The following ARAP2 variants were observed in gnomAD, a reference collection of about 807,000 sequenced individuals.
ARAP2 encodes the protein arf-GAP with Rho-GAP domain, ANK repeat and PH domain-containing protein 2.
In ARAP2, 148 loss-of-function variants were observed where a neutral mutation model predicts 194.5. The observed-to-expected ratio is 0.76, with a 90% CI of 0.67 to 0.87. The LOEUF (loss-of-function observed/expected upper bound fraction) is 0.87, where lower values mean the gene tolerates loss of function less well. ARAP2 is among the 40% of genes least tolerant of loss of function. The probability of loss-of-function intolerance (pLI) is 0.00; values close to 1 mark genes in which losing one functional copy is unlikely to be tolerated. For synonymous variants in ARAP2, 695 were observed against 683.5 expected (o/e 1.02, Z -0.26); for missense variants, 2,128 against 1,989.7 (o/e 1.07, Z -1.32).
In ARAP2 at chr4:36,229,474, T is replaced by G; in HGVS notation, c.13A>C (p.Ser5Arg). 1.2e-6 allele frequency: 2 copies of G among 1,607,804 alleles called. No individual in the cohort carries two copies. The highest frequency in any genetic ancestry group is 2.2e-5 in the South Asian group (2 of 90,188). Residue 5 changes from serine to arginine, a missense_variant, in exon 2 of 33, where the codon AGT (serine) becomes CGT (arginine). By Grantham distance (110) the Ser-to-Arg change is moderately radical (BLOSUM62 -1). Transcript: ENST00000303965. ...TCTTTTATATCCACATTTACTTCAC[T>G]GACTGAGGACATAATGGTGGCTTCA... is the stretch of plus-strand genomic sequence containing the variant. Reference protein sequence around the residue: MSSVSEVNVDIKDFL... With the variant: MSSVREVNVDIKDFL...
chr4:36,030,395 C>A (rs1177950381), intron 5 of ARAP2, among the ~76,000 whole-genome samples: 3 of 152,044 alleles, frequency 2.0e-5, no homozygotes, highest in Non-Finnish European at 2.9e-5. Context: ...GATGGCAATT[C>A]TGAGTTAATA....
At chr4:36,118,268 C>A (rs1721856692) in intron 24 of ARAP2, among the ~76,000 whole-genome samples, 3 of 138,470 alleles carry the variant, frequency 2.2e-5, no homozygotes, top group South Asian at 2.3e-4. Context: ...CCAGGAAGGA[C>A]ACATTTTAAA....
chr4:36,213,942 G>C (rs1747344515), intron 3 of ARAP2, among the ~76,000 whole-genome samples: 1 of 152,026 alleles, frequency 6.6e-6, no homozygotes, highest in African/African-American at 2.4e-5. Flanking sequence ...TAAAAATTCA[G>C]TACCCAAGTG....
In ARAP2 at chr4:36,147,377, A is replaced by C. The variant is rs961731859; in HGVS notation, c.3200-18T>G. 1.2e-6 allele frequency: 2 copies of C among 1,611,910 alleles called. No homozygotes were observed. The highest frequency in any genetic ancestry group is 2.2e-5 in the East Asian group (1 of 44,810). ...GCTGATTGCTGAAGGGAGAATGAAAAGCAAAAATTTATTTTTTAAAACACT... is the reference window on the plus strand; with the variant it reads ...GCTGATTGCTGAAGGGAGAATGAAACGCAAAAATTTATTTTTTAAAACACT... On this transcript the variant is annotated intron_variant, in intron 18 of 32. Coordinates refer to ENST00000303965, the MANE Select transcript of ARAP2 (RefSeq NM_015230.4).
At chr4:36,209,439 T>C in intron 6 of ARAP2, 1 of 436,348 alleles carries the variant, frequency 2.3e-6, no homozygotes, top group South Asian at 1.6e-5. Context: ...ATATATAAGG[T>C]ATTAACATAT....
chr4:36,013,969 A>G (rs961725787), intron 8 of ARAP2, among the ~76,000 whole-genome samples: 2 of 152,030 alleles, frequency 1.3e-5, no homozygotes, highest in African/African-American at 4.8e-5. Flanking sequence ...ACGGTGGCTC[A>G]CGCCTGTAAT....
intron 8 of ARAP2, among the ~76,000 whole-genome samples, chr4:36,182,597 C>G (rs1739550986): frequency 6.6e-6 from 1 of 152,226 alleles, no homozygotes; most frequent in East Asian, 1.9e-4. Context: ...TAAATAACTG[C>G]TCTGACAAGT....
chr4:36,168,999 T>C (rs1255114272), intron 9 of ARAP2, among the ~76,000 whole-genome samples: 1 of 152,212 alleles, frequency 6.6e-6, no homozygotes, highest in African/African-American at 2.4e-5. Context: ...ACAGCTATAC[T>C]CCTGCTGGAT....
chr4:36,224,206 C>T lies in ARAP2; in HGVS notation c.905+4376G>A, dbSNP rs1020155645. Among the ~76,000 whole-genome samples the T allele has an allele frequency of 2.8e-5, 4 of 141,346 alleles. No individual in the cohort carries two copies. In the Admixed American group the frequency reaches 2.9e-4, roughly 10 times the overall value. 92.7% of individuals were successfully genotyped at this position (141,346 alleles called of 152,430 possible). On this transcript the variant is annotated intron_variant, in intron 2 of 32. Transcript: ENST00000303965. ...AACAAATATGTGGATCATCATTTCA[C>T]AAAATGTTAAAAATAAATAAATAAA...
rs755921049 is a variant in ARAP2, at chr4:36,228,689, T to G, written c.798A>C (p.Ala266=). 3.1e-6 allele frequency: 5 copies of G among 1,614,038 alleles called. No individual in the cohort carries two copies. The highest frequency in any genetic ancestry group is 4.2e-6 in the Non-Finnish European group (5 of 1,179,968). Residue 266 remains alanine (A), a synonymous_variant, in exon 2 of 33, where the codon GCA becomes GCC. Coordinates refer to ENST00000303965, the MANE Select transcript of ARAP2 (RefSeq NM_015230.4). ...DLYVPSSPIL[A]PVRSRSKLVS... Reference sequence around the variant, plus strand: ...CCAACTTGCTACGACTTCTCACAGGTGCTAGGATTGGTGATGATGGAACAT... The same window carrying G: ...CCAACTTGCTACGACTTCTCACAGGGGCTAGGATTGGTGATGATGGAACAT...
At chr4:36,180,102 G>A (rs182212685) in intron 8 of ARAP2, among the ~76,000 whole-genome samples, 2 of 152,130 alleles carry the variant, frequency 1.3e-5, no homozygotes, top group African/African-American at 2.4e-5. Flanking sequence ...GTGACACCCG[G>A]TCTATACTAA....
chr4:36,093,335 G>A (rs1848931), intron 27 of ARAP2, among the ~76,000 whole-genome samples: 117,327 of 151,522 alleles, frequency 0.77, 47,772 homozygotes, highest in South Asian at 0.93. Context: ...ACAAACCTGC[G>A]CATGTACCCC....
chr4:36,242,219 A>C (rs1032296783), intron 1 of ARAP2, among the ~76,000 whole-genome samples: 2 of 152,204 alleles, frequency 1.3e-5, no homozygotes, highest in Non-Finnish European at 2.9e-5. Flanking sequence ...CATATTTCCC[A>C]GATTATTAAG....
Position 36,158,753 on chromosome 4 carries a change from G to T in ARAP2, c.2729C>A (p.Ser910Tyr). 6.2e-7 allele frequency: 1 copy of T among 1,607,552 alleles called. No individual in the cohort carries two copies. The highest frequency in any genetic ancestry group is 8.5e-7 in the Non-Finnish European group (1 of 1,178,166). The change falls in exon 15 of 33, where the codon TCT becomes TAT. Residue 910 changes from serine (S) to tyrosine (Y), a missense_variant. Physicochemically the swap from Ser to Tyr is moderately radical, Grantham distance 144. Coordinates refer to ENST00000303965, the MANE Select transcript of ARAP2 (RefSeq NM_015230.4). ...YQAPSAASKL[S>Y]SEKKLLEETN... ...ACCTTCAAGCAGTTTTTTCTCTGAAGAGAGTTTAGAAGCAGCAGAAGGAGC... is the reference window on the plus strand; with the variant it reads ...ACCTTCAAGCAGTTTTTTCTCTGAATAGAGTTTAGAAGCAGCAGAAGGAGC...
At chr4:36,223,988 AAAG>A (rs1749704441) in intron 2 of ARAP2, among the ~76,000 whole-genome samples, 1 of 152,060 alleles carries the variant, frequency 6.6e-6, no homozygotes, top group Non-Finnish European at 1.5e-5. Flanking sequence ...CCTTAATATA[AAAG>A]AAGAGAAAGT....
At chr4:36,166,017 T>G (rs1385846475) in intron 10 of ARAP2, among the ~76,000 whole-genome samples, 1 of 152,174 alleles carries the variant, frequency 6.6e-6, no homozygotes, top group African/African-American at 2.4e-5. Context: ...ACTAGAAATT[T>G]GTCACAGCCA....
At chr4:36,020,272 G>C (rs1407602494) in intron 5 of ARAP2, among the ~76,000 whole-genome samples, 1 of 152,180 alleles carries the variant, frequency 6.6e-6, no homozygotes, top group Non-Finnish European at 1.5e-5. Flanking sequence ...TTAGCCAGGT[G>C]TGTTGGTGGA....
rs1471365551 is a variant in ARAP2, at chr4:36,121,276, A to G, written c.3797T>C (p.Leu1266Ser). ...TTGAAACAAACAGGATGAAAAGACC[A>G]AGGCCAAATTATGGGCATTCATGTG... ...INHMNAHNLA[L>S]VFSSCLFQTK... Residue 1266 changes from leucine (L) to serine (S), a missense_variant, in exon 23 of 33, where the codon TTG (leucine) becomes TCG (serine). Physicochemically the swap from Leu to Ser is moderately radical, Grantham distance 145. Transcript: ENST00000303965. The G allele has an allele frequency of 1.2e-6, 2 of 1,606,294 alleles. No homozygotes were observed. The highest frequency in any genetic ancestry group is 8.5e-7 in the Non-Finnish European group (1 of 1,175,536).
intron 27 of ARAP2, among the ~76,000 whole-genome samples, chr4:36,107,310 C>T (rs1002478874): frequency 2.0e-5 from 3 of 151,918 alleles, no homozygotes; most frequent in African/African-American, 4.8e-5. Context: ...GGTAAACAAC[C>T]TTTAAAAACA....
Sources: gnomAD v4.1 joint callset for allele counts (sites outside exome capture counted in the v4.1 genomes callset) on GRCh38, gnomAD v4.1.1 for gene constraint, MANE v1.5 for transcripts, NCBI Gene and HGNC (gene_info 2026-07-23, HGNC 2026-07-21) for gene names.